The following TMEM108 variants were observed in gnomAD, a reference collection of about 807,000 sequenced individuals.
TMEM108 encodes the protein cancer/testis antigen 124.
Under a neutral mutation model 35.1 loss-of-function variants are expected in TMEM108, and 12 were observed. The ratio of observed to expected loss-of-function variants is 0.34; its 90% CI spans 0.22 to 0.55. TMEM108 has a LOEUF of 0.55. TMEM108 is among the 20% of genes least tolerant of loss of function. The pLI is 0.89. For missense variants in TMEM108, 680 were observed against 753.3 expected, an observed-to-expected ratio of 0.90 and a Z score of 1.14; for synonymous variants, 287 against 308.6, an observed-to-expected ratio of 0.93 and a Z score of 0.73.
At chr3:133,220,082 G>GT (rs57936804) in intron 2 of TMEM108, among the ~76,000 whole-genome samples, 4,790 of 139,246 alleles carry the variant, frequency 0.034, 244 homozygotes, top group African/African-American at 0.11. Flanking sequence ...TGTTTCTTCG[G>GT]TTTTTTTTTT....
chr3:133,258,608 A>G (rs1442853074), intron 3 of TMEM108, among the ~76,000 whole-genome samples: 1 of 152,202 alleles, frequency 6.6e-6, no homozygotes, highest in Admixed American at 6.5e-5. Context: ...TGCATTCCCT[A>G]GAACCAGTCA....
Position 133,283,780 on chromosome 3 carries a change from A to G in TMEM108, c.40+54429A>G, listed in dbSNP as rs565811179. Among the ~76,000 whole-genome samples the G allele has an allele frequency of 2.0e-5, 3 of 152,366 alleles. 1 individual carries two copies. The South Asian group carries it at 6.2e-4, about 32-fold the overall frequency. On this transcript the variant is annotated intron_variant, in intron 3 of 5. Coordinates refer to ENST00000321871, the MANE Select transcript of TMEM108 (RefSeq NM_023943.4). The stretch of plus-strand genomic sequence containing the variant: ...GCGAACTTTGAAATTTCAAAGAAAG[A>G]TAAAATTGTAGTTGGTGTCTGGTGT...
chr3:133,311,794 C>T (rs139896643), intron 3 of TMEM108, among the ~76,000 whole-genome samples: 1,600 of 152,292 alleles, frequency 0.011, 32 homozygotes, highest in African/African-American at 0.036. Flanking sequence ...AGAGGCACTC[C>T]GGTTTTTAGA....
chr3:133,386,388 A>G (rs2073150074), intron 4 of TMEM108: 2 of 1,524,252 alleles, frequency 1.3e-6, no homozygotes, highest in Non-Finnish European at 1.8e-6. Flanking sequence ...TCCTCAGGGG[A>G]CCTGCAGGGT....
rs191360739 is a variant in TMEM108, at chr3:133,159,870, C to T, written c.-46-69396C>T. Among the ~76,000 whole-genome samples, 10 of 152,252 alleles carry T rather than the reference C, an allele frequency of 6.6e-5. No homozygotes were observed. The East Asian group carries it at 1.7e-3, about 26-fold the overall frequency. Reference sequence around the variant, plus strand: ...CTTTTTCTGAAATTTTCTTCATAAACGATGTGAAATCTCTTTCTGTTTTGT... The same window carrying T: ...CTTTTTCTGAAATTTTCTTCATAAATGATGTGAAATCTCTTTCTGTTTTGT... On this transcript the variant is annotated intron_variant, in intron 2 of 5. Transcript: ENST00000321871.
chr3:133,255,869 A>G (rs4854705), intron 3 of TMEM108, among the ~76,000 whole-genome samples: 48,681 of 152,010 alleles, frequency 0.32, 8,522 homozygotes, highest in East Asian at 0.48. Flanking sequence ...CACGCCTGTC[A>G]TCCCAGCTAC....
At chr3:133,378,834 GGGCTCCTTCTACTCAAAAA>G (rs1186166241) in intron 3 of TMEM108, among the ~76,000 whole-genome samples, 2 of 147,152 alleles carry the variant, frequency 1.4e-5, no homozygotes, top group African/African-American at 5.1e-5. Flanking sequence ...ATGTTCAAAA[GGGCTCCTTCTACTCAAAAA>G]GGCTGGATAT....
chr3:133,118,748 A>G (rs1379380857), intron 2 of TMEM108, among the ~76,000 whole-genome samples: 1 of 152,146 alleles, frequency 6.6e-6, no homozygotes, highest in African/African-American at 2.4e-5. Flanking sequence ...TGGTTCTCCT[A>G]CCCAGGGCTC....
chr3:133,380,416 C>A lies in TMEM108; in HGVS notation c.705C>A (p.Leu235=). The A allele has an allele frequency of 6.2e-7, 1 of 1,613,652 alleles. No homozygotes were observed. The highest frequency in any genetic ancestry group is 8.5e-7 in the Non-Finnish European group (1 of 1,179,718). The stretch of plus-strand genomic sequence containing the variant: ...CTGTGGAACCGGAGCCCTCTACCCT[C>A]ACCCCCAGGACCCCACTCTGGGGCT... ...TGSVEPEPST[L]TPRTPLWGYS... The change falls in exon 4 of 6, where the codon CTC becomes CTA. Residue 235 remains leucine, a synonymous_variant. Coordinates refer to ENST00000321871, the MANE Select transcript of TMEM108 (RefSeq NM_023943.4). The surrounding 1 kb of genome is among the most constrained non-coding windows in gnomAD (Gnocchi z 5.3).
intron 3 of TMEM108, among the ~76,000 whole-genome samples, chr3:133,239,425 C>T (rs996717508): frequency 4.6e-5 from 7 of 152,132 alleles, no homozygotes; most frequent in East Asian, 1.9e-4. Flanking sequence ...AGAATCACCT[C>T]GGGAACTTTT....
chr3:133,301,834 A>G (rs1947229555), intron 3 of TMEM108, among the ~76,000 whole-genome samples: 1 of 152,136 alleles, frequency 6.6e-6, no homozygotes, highest in Non-Finnish European at 1.5e-5. Flanking sequence ...TAAGCTTTAC[A>G]TTATCACTCT....
chr3:133,051,093 G>T (rs142554395), intron 2 of TMEM108, among the ~76,000 whole-genome samples: 1 of 151,824 alleles, frequency 6.6e-6, no homozygotes, highest in African/African-American at 2.4e-5. Context: ...CTGCCAAACT[G>T]TCTTTCAAAA....
intron 5 of TMEM108, among the ~76,000 whole-genome samples, chr3:133,390,898 G>A (rs904183233): frequency 2.0e-5 from 3 of 152,204 alleles, no homozygotes; most frequent in African/African-American, 7.2e-5. Flanking sequence ...GATCTGAAGG[G>A]AAAGAAGAAT....
intron 2 of TMEM108, among the ~76,000 whole-genome samples, chr3:133,185,369 A>G (rs1178312285): frequency 6.6e-6 from 1 of 151,934 alleles, no homozygotes; most frequent in East Asian, 1.9e-4. Flanking sequence ...TTTTGGTTTA[A>G]CTACTGCATT....
intron 3 of TMEM108, among the ~76,000 whole-genome samples, chr3:133,235,401 A>G (rs1469245736): frequency 1.3e-5 from 2 of 152,216 alleles, no homozygotes; most frequent in African/African-American, 4.8e-5. Context: ...GTACCAAAAC[A>G]GAGATATAGA....
intron 3 of TMEM108, among the ~76,000 whole-genome samples, chr3:133,310,741 A>C (rs1028088215): frequency 6.6e-6 from 1 of 151,594 alleles, no homozygotes; most frequent in Admixed American, 6.6e-5. Context: ...TTATATTGTT[A>C]TGTGTGAATT....
chr3:133,059,268 A>G (rs542033125), intron 2 of TMEM108, among the ~76,000 whole-genome samples: 12 of 152,136 alleles, frequency 7.9e-5, no homozygotes, highest in Non-Finnish European at 1.3e-4. Context: ...CTGTTGCAGT[A>G]ATTTGTCTTA....
At chr3:133,309,736 T>G (rs1489375660) in intron 3 of TMEM108, among the ~76,000 whole-genome samples, 1 of 121,684 alleles carries the variant, frequency 8.2e-6, no homozygotes, top group Non-Finnish European at 1.6e-5. Context: ...AGTCTCGCTC[T>G]GTCGCCCAGG....
intron 2 of TMEM108, among the ~76,000 whole-genome samples, chr3:133,077,232 A>G (rs773736173): frequency 5.9e-5 from 9 of 152,120 alleles, no homozygotes; most frequent in Non-Finnish European, 8.8e-5. Context: ...ATTGTTGCAA[A>G]CAATACTCCT....
Sources: gnomAD v4.1 joint callset for allele counts (sites outside exome capture counted in the v4.1 genomes callset) on GRCh38, gnomAD v4.1.1 for gene constraint, Gnocchi (gnomAD v3.1) non-coding constraint, MANE v1.5 for transcripts, NCBI Gene and HGNC (gene_info 2026-07-23, HGNC 2026-07-21) for gene names.